Variants in HS3ST5 observed in about 807,000 individuals in gnomAD.
HS3ST5 encodes heparan sulfate-glucosamine 3-sulfotransferase 5.
Under a neutral mutation model 25.4 loss-of-function variants are expected in HS3ST5, and 10 were observed. That is an observed-to-expected ratio of 0.39 (90% CI 0.24 to 0.67). The LOEUF is 0.67. HS3ST5 is among the 30% of genes least tolerant of loss of function. HS3ST5 has a pLI of 0.44. For synonymous variants in HS3ST5, 170 were observed against 162.4 expected, an observed-to-expected ratio of 1.05 and a Z score of -0.36; for missense variants, 324 against 420.7, an observed-to-expected ratio of 0.77 and a Z score of 2.01.
rs867365202 is a variant in HS3ST5 at position 114,341,222 on chromosome 6, G to A, written c.-339+973C>T. ...AGGGAGAGGGAATAGGGAGAGAGGG[G>A]GAGAGAGAGAGAGAGAGAGAGAGAG... On this transcript the variant is annotated intron_variant, in intron 1 of 4. Transcript: ENST00000312719. Among the ~76,000 whole-genome samples, 279 of 46,540 alleles carry A rather than the reference G, an allele frequency of 6.0e-3. 3 individuals are homozygous for A. The highest frequency in any genetic ancestry group is 0.022 in the East Asian group (47 of 2,102). 30.5% of individuals were successfully genotyped at this position (46,540 alleles called of 152,430 possible). A position where few individuals can be genotyped will look rare whatever the true frequency, so the allele number is the denominator to read the frequency against.
At chr6:114,247,873 A>C (rs1772453930) in intron 1 of HS3ST5, among the ~76,000 whole-genome samples, 1 of 151,684 alleles carries the variant, frequency 6.6e-6, no homozygotes, top group Non-Finnish European at 1.5e-5. Context: ...TTTTCTAATG[A>C]AATTTAAAAG....
At chr6:114,310,965 G>A (rs944777293) in intron 1 of HS3ST5, among the ~76,000 whole-genome samples, 4 of 152,068 alleles carry the variant, frequency 2.6e-5, no homozygotes, top group African/African-American at 9.7e-5. Context: ...TGCTAATATA[G>A]CCAATGTCAT....
intron 2 of HS3ST5, among the ~76,000 whole-genome samples, chr6:114,198,649 C>A (rs756998587): frequency 9.2e-5 from 14 of 152,158 alleles, no homozygotes; most frequent in Non-Finnish European, 1.8e-4. Context: ...TCTGTAAATT[C>A]ACAAAATTCA....
At position 114,127,855 on chromosome 6, in the gene HS3ST5, TAG is replaced by T. The variant is rs796967703; in HGVS notation, c.-33+40494_-33+40495del. ...AAAAGGACAAATATATATATATATA[TAG>T]AGAGAGAGAGAGAGAGACTTATATA... On this transcript the variant is annotated intron_variant, in intron 3 of 4. Transcript: ENST00000312719. Among the ~76,000 whole-genome samples, 197 of 146,984 alleles carry T rather than the reference TAG, an allele frequency of 1.3e-3. 2 individuals are homozygous for T. The highest frequency in any genetic ancestry group is 3.6e-3 in the East Asian group (18 of 5,064).
chr6:114,120,317 G>A (rs1776727330), intron 3 of HS3ST5, among the ~76,000 whole-genome samples: 1 of 152,064 alleles, frequency 6.6e-6, no homozygotes, highest in Non-Finnish European at 1.5e-5. Flanking sequence ...GGAGTAAACA[G>A]GAGAAACTGA....
chr6:114,331,292 A>C (rs1471066493), intron 1 of HS3ST5, among the ~76,000 whole-genome samples: 1 of 152,208 alleles, frequency 6.6e-6, no homozygotes, highest in East Asian at 1.9e-4. Context: ...AAAATAGTTT[A>C]AGAATTTCAA....
intron 3 of HS3ST5, among the ~76,000 whole-genome samples, chr6:114,100,985 G>T (rs767472055): frequency 6.6e-6 from 1 of 152,110 alleles, no homozygotes; most frequent in Non-Finnish European, 1.5e-5. Flanking sequence ...CACATCAAGG[G>T]TCACTAGTAA....
chr6:114,313,432 A>G (rs1489841113), intron 1 of HS3ST5, among the ~76,000 whole-genome samples: 1 of 152,226 alleles, frequency 6.6e-6, no homozygotes. Flanking sequence ...ACTGTAATCA[A>G]CCCAAATGTC....
intron 1 of HS3ST5, among the ~76,000 whole-genome samples, chr6:114,279,682 C>T (rs2114732512): frequency 6.6e-6 from 1 of 152,048 alleles, no homozygotes; most frequent in Non-Finnish European, 1.5e-5. Flanking sequence ...CTGGATTTAC[C>T]TTGAAAGGAA....
intron 1 of HS3ST5, among the ~76,000 whole-genome samples, chr6:114,264,746 GT>G (rs1279301297): frequency 6.6e-6 from 1 of 152,170 alleles, no homozygotes; most frequent in African/African-American, 2.4e-5. Flanking sequence ...TGAAAGTCCA[GT>G]ATCATATGTG....
chr6:114,097,145 ATAAT>A (rs1775475293), intron 3 of HS3ST5, among the ~76,000 whole-genome samples: 1 of 152,002 alleles, frequency 6.6e-6, no homozygotes, highest in East Asian at 1.9e-4. Context: ...CAATTAATAG[ATAAT>A]TATTTATAGA....
At chr6:114,147,815 A>G (rs990730417) in intron 3 of HS3ST5, among the ~76,000 whole-genome samples, 9 of 152,098 alleles carry the variant, frequency 5.9e-5, no homozygotes, top group Non-Finnish European at 1.3e-4. Flanking sequence ...TCCTGACCTC[A>G]AGTGATTCTC....
intron 1 of HS3ST5, among the ~76,000 whole-genome samples, chr6:114,312,896 G>C (rs547666423): frequency 1.3e-5 from 2 of 151,592 alleles, no homozygotes; most frequent in East Asian, 3.9e-4. Flanking sequence ...CGAGCATGGT[G>C]GTACATGCCT....
intron 1 of HS3ST5, among the ~76,000 whole-genome samples, chr6:114,240,579 C>A (rs953831466): frequency 6.6e-6 from 1 of 152,052 alleles, no homozygotes; most frequent in Non-Finnish European, 1.5e-5. Flanking sequence ...TGATGTAAAT[C>A]CTTCATGAAA....
At position 114,342,806 on chromosome 6, in the gene HS3ST5, T is replaced by A. The variant is rs180677916; in HGVS notation, c.-950A>T. The stretch of plus-strand genomic sequence containing the variant: ...CAGTGTGACTGGGATCTTCCCTTCC[T>A]GCGTCCTCGAGCCTCCGGTGCCAAG... On this transcript the variant is annotated 5_prime_UTR_variant, in exon 1 of 5. Transcript: ENST00000312719. 1.3e-5 allele frequency: 2 copies of A among 152,374 alleles called. No homozygotes were observed. The highest frequency in any genetic ancestry group is 3.9e-4 in the East Asian group (2 of 5,148). 9.4% of individuals were successfully genotyped at this position (152,374 alleles called of 1,614,324 possible).
chr6:114,133,289 G>A (rs1318862637), intron 3 of HS3ST5, among the ~76,000 whole-genome samples: 1 of 152,156 alleles, frequency 6.6e-6, no homozygotes, highest in East Asian at 1.9e-4. Flanking sequence ...CCTCCACGAA[G>A]TTCCAGGATT....
At chr6:114,269,223 T>G (rs1260348279) in intron 1 of HS3ST5, among the ~76,000 whole-genome samples, 1 of 152,214 alleles carries the variant, frequency 6.6e-6, no homozygotes, top group East Asian at 1.9e-4. Flanking sequence ...CTTTCCATTT[T>G]GTGGGTAAGA....
At chr6:114,301,031 G>A (rs547896377) in intron 1 of HS3ST5, among the ~76,000 whole-genome samples, 15 of 152,138 alleles carry the variant, frequency 9.9e-5, no homozygotes, top group African/African-American at 1.4e-4. Flanking sequence ...TGACTCTAAC[G>A]GGTGCAGGGA....
At chr6:114,110,144 T>C (rs933810283) in intron 3 of HS3ST5, among the ~76,000 whole-genome samples, 1 of 152,178 alleles carries the variant, frequency 6.6e-6, no homozygotes, top group African/African-American at 2.4e-5. Context: ...TTTTGATAGA[T>C]GAGGGCTTAT....
Sources: gnomAD v4.1 joint callset for allele counts (sites outside exome capture counted in the v4.1 genomes callset) on GRCh38, gnomAD v4.1.1 for gene constraint, MANE v1.5 for transcripts, NCBI Gene and HGNC (gene_info 2026-07-23, HGNC 2026-07-21) for gene names.